Variants in FNDC3A observed in about 807,000 individuals in gnomAD.
FNDC3A encodes fibronectin type-III domain-containing protein 3A.
A neutral mutation model predicts 148.9 loss-of-function variants in FNDC3A; 32 were observed. The observed-to-expected ratio is 0.21, with a 90% CI of 0.16 to 0.29. FNDC3A has a LOEUF of 0.29. FNDC3A is among the 10% of genes least tolerant of loss of function. The pLI is 1.00. For missense variants in FNDC3A, 1,191 were observed against 1,452.8 expected, an observed-to-expected ratio of 0.82 and a Z score of 2.93; for synonymous variants, 472 against 473.6, an observed-to-expected ratio of 1.00 and a Z score of 0.04.
At position 49,191,012 on chromosome 13, in the gene FNDC3A, C is replaced by T; in HGVS notation, c.1945-3C>T. 1 of 1,593,846 alleles carries T rather than the reference C, an allele frequency of 6.3e-7. No homozygotes were observed. The highest frequency in any genetic ancestry group is 8.5e-7 in the Non-Finnish European group (1 of 1,172,546). ...TGTTTTCTTTTTGCTTTTGTTTTGG[C>T]AGGTCTCTGAATCTTTACTTGTGCA... On this transcript the variant is annotated splice_region_variant and splice_polypyrimidine_tract_variant and intron_variant, in intron 17 of 25. Coordinates refer to ENST00000492622, the MANE Select transcript of FNDC3A (RefSeq NM_001079673.2).
chr13:49,125,591 G>C (rs552879658), intron 4 of FNDC3A, among the ~76,000 whole-genome samples: 1 of 152,240 alleles, frequency 6.6e-6, no homozygotes, highest in South Asian at 2.1e-4. Flanking sequence ...TAGCTTCATG[G>C]TGTAAAGAGA....
intron 1 of FNDC3A, among the ~76,000 whole-genome samples, chr13:48,986,383 TTG>T (rs1951794949): frequency 2.0e-5 from 2 of 99,778 alleles, no homozygotes; most frequent in African/African-American, 3.9e-5. Flanking sequence ...GAGAAGGAAG[TTG>T]TTTTTTTTTT....
At chr13:49,132,142 C>T (rs766599536) in intron 5 of FNDC3A, among the ~76,000 whole-genome samples, 3 of 152,106 alleles carry the variant, frequency 2.0e-5, no homozygotes, top group Non-Finnish European at 4.4e-5. Context: ...GTTTTATTTT[C>T]AGAATTTTCT....
chr13:49,068,657 T>A (rs1465281581), intron 2 of FNDC3A, among the ~76,000 whole-genome samples: 1 of 152,208 alleles, frequency 6.6e-6, no homozygotes, highest in African/African-American at 2.4e-5. Flanking sequence ...TCAACCTAAA[T>A]GCCTCTCAGT....
chr13:49,114,947 T>C (rs746275723), intron 4 of FNDC3A, among the ~76,000 whole-genome samples: 9 of 152,156 alleles, frequency 5.9e-5, no homozygotes, highest in African/African-American at 4.8e-5. Context: ...CTTTGGGTGT[T>C]AAGTCACAAA....
chr13:49,192,830 A>G (rs1331164933), intron 19 of FNDC3A, among the ~76,000 whole-genome samples: 1 of 152,218 alleles, frequency 6.6e-6, no homozygotes, highest in Non-Finnish European at 1.5e-5. Flanking sequence ...TTCTAAAGCT[A>G]TTCCAGATTT....
intron 12 of FNDC3A, 96 bp from the exon 13 acceptor site, chr13:49,175,271 C>G (rs1039442202): frequency 9.6e-5 from 71 of 741,596 alleles, no homozygotes; most frequent in Non-Finnish European, 1.4e-4. Context: ...ATTATCAAAA[C>G]TTGTCATTTT....
intron 2 of FNDC3A, among the ~76,000 whole-genome samples, chr13:49,073,350 G>C (rs1368698352): frequency 1.3e-5 from 2 of 151,960 alleles, no homozygotes; most frequent in Non-Finnish European, 2.9e-5. Flanking sequence ...ATTTACAAAA[G>C]AGCTGGTAAC....
chr13:49,058,599 G>A (rs1446933827), intron 2 of FNDC3A, among the ~76,000 whole-genome samples: 1 of 152,082 alleles, frequency 6.6e-6, no homozygotes, highest in African/African-American at 2.4e-5. Context: ...GCAAGATGGC[G>A]GTCTTCCGTA....
chr13:49,136,691 G>A lies in FNDC3A; in HGVS notation c.760+90G>A, dbSNP rs112628312. ...TATATTCTAACCTTTCAGTCATTTT[G>A]TCATGGTCCAAATAGACTGTTACAG... On this transcript the variant is annotated intron_variant, in intron 6 of 25. Coordinates refer to ENST00000492622, the MANE Select transcript of FNDC3A (RefSeq NM_001079673.2). The A allele has an allele frequency of 4.8e-5, 64 of 1,321,378 alleles. No homozygotes were observed. The African/African-American group carries it at 6.4e-4, about 13-fold the overall frequency. 81.9% of individuals were successfully genotyped at this position (1,321,378 alleles called of 1,614,324 possible). A position where few individuals can be genotyped will look rare whatever the true frequency, so the allele number is the denominator to read the frequency against.
In FNDC3A at chr13:49,014,483, A is replaced by G. The variant is rs1296890529; in HGVS notation, c.99+8194A>G. Among the ~76,000 whole-genome samples, 10 of 122,224 alleles carry G rather than the reference A, an allele frequency of 8.2e-5. No individual in the cohort carries two copies. In the South Asian group the frequency reaches 1.7e-3, roughly 21 times the overall value. The allele number at this position is 122,224 out of a possible 152,430, so 80.2% of individuals were successfully genotyped here. A position where few individuals can be genotyped will look rare whatever the true frequency, so the allele number is the denominator to read the frequency against. On this transcript the variant is annotated intron_variant, in intron 2 of 25. Transcript: ENST00000492622. The stretch of plus-strand genomic sequence containing the variant: ...TTGTAAATTTGTTTGAGTTCATTGT[A>G]GATTCTGGATATTAGCCCTTTGTCA...
At chr13:49,070,881 CTT>C (rs758290861) in intron 2 of FNDC3A, among the ~76,000 whole-genome samples, 2 of 120,970 alleles carry the variant, frequency 1.7e-5, no homozygotes, top group African/African-American at 5.9e-5. Flanking sequence ...AACAGGATTT[CTT>C]TTTTTTTTTT....
At chr13:49,157,839 CA>C (rs1255181344) in intron 8 of FNDC3A, among the ~76,000 whole-genome samples, 5 of 135,514 alleles carry the variant, frequency 3.7e-5, no homozygotes, top group Non-Finnish European at 7.9e-5. Context: ...GCTCGGGGGT[CA>C]GGGGTCAGGG....
chr13:49,093,464 A>G (rs983178543), intron 3 of FNDC3A, among the ~76,000 whole-genome samples: 1 of 152,180 alleles, frequency 6.6e-6, no homozygotes, highest in Non-Finnish European at 1.5e-5. Flanking sequence ...AACACTCTAC[A>G]TGTGACTAAC....
At chr13:49,132,870 A>G (rs546202764) in intron 5 of FNDC3A, among the ~76,000 whole-genome samples, 2 of 152,344 alleles carry the variant, frequency 1.3e-5, no homozygotes, top group African/African-American at 4.8e-5. Context: ...CACAGAACTT[A>G]ACACAATTTC....
At chr13:49,025,454 A>C (rs1445508421) in intron 2 of FNDC3A, among the ~76,000 whole-genome samples, 2 of 152,114 alleles carry the variant, frequency 1.3e-5, no homozygotes, top group East Asian at 3.8e-4. Flanking sequence ...ACTAGTAAGC[A>C]TAGTAAGCAT....
At chr13:49,206,352 G>A (rs972634486) in intron 25 of FNDC3A, among the ~76,000 whole-genome samples, 2 of 152,026 alleles carry the variant, frequency 1.3e-5, no homozygotes, top group Non-Finnish European at 2.9e-5. Context: ...TTTATGCCTA[G>A]TGTTCCATTA....
intron 25 of FNDC3A, among the ~76,000 whole-genome samples, chr13:49,204,001 C>T (rs191843402): frequency 1.8e-4 from 27 of 152,190 alleles, no homozygotes; most frequent in Admixed American, 1.6e-3. Context: ...TCAGACACAA[C>T]GTTGTTTTGA....
chr13:49,030,581 C>G (rs1416115771), intron 2 of FNDC3A, among the ~76,000 whole-genome samples: 1 of 152,026 alleles, frequency 6.6e-6, no homozygotes, highest in African/African-American at 2.4e-5. Flanking sequence ...AAACTCTATT[C>G]AAAGAGAACA....
Sources: gnomAD v4.1 joint callset for allele counts (sites outside exome capture counted in the v4.1 genomes callset) on GRCh38, gnomAD v4.1.1 for gene constraint, MANE v1.5 for transcripts, NCBI Gene and HGNC (gene_info 2026-07-23, HGNC 2026-07-21) for gene names.